The following LDLRAD4 variants were observed in gnomAD, a reference collection of about 807,000 sequenced individuals.
LDLRAD4 encodes low density lipoprotein receptor class A domain containing 4, also known as low-density lipoprotein receptor class A domain-containing protein 4.
LDLRAD4 carries 5 observed loss-of-function variants against 17.0 expected under a neutral mutation model. That is an observed-to-expected ratio of 0.29 (90% CI 0.15 to 0.62). The LOEUF (loss-of-function observed/expected upper bound fraction) is 0.62, where lower values mean the gene tolerates loss of function less well. LDLRAD4 is among the 20% of genes least tolerant of loss of function. The pLI is 0.84. For missense variants in LDLRAD4, 340 were observed against 424.7 expected, an observed-to-expected ratio of 0.80 and a Z score of 1.75; for synonymous variants, 168 against 171.8, an observed-to-expected ratio of 0.98 and a Z score of 0.17.
chr18:13,292,645 A>T (rs150869052), intron 1 of LDLRAD4, among the ~76,000 whole-genome samples: 1 of 152,154 alleles, frequency 6.6e-6, no homozygotes, highest in African/African-American at 2.4e-5. Flanking sequence ...AGGGAGCCCT[A>T]GGAGGGACTG....
At chr18:13,623,437 A>C (rs1246096908) in intron 4 of LDLRAD4, among the ~76,000 whole-genome samples, 1 of 152,170 alleles carries the variant, frequency 6.6e-6, no homozygotes, top group African/African-American at 2.4e-5. Flanking sequence ...GGGCTTGCAG[A>C]GATCCGGCTG....
intron 3 of LDLRAD4, among the ~76,000 whole-genome samples, chr18:13,555,575 C>T (rs1257460819): frequency 6.6e-6 from 1 of 152,272 alleles, no homozygotes; most frequent in African/African-American, 2.4e-5. Context: ...CTAGAAAATG[C>T]AAACTATAAG....
intron 3 of LDLRAD4, among the ~76,000 whole-genome samples, chr18:13,470,536 T>A (rs2092739831): frequency 6.8e-6 from 1 of 147,882 alleles, no homozygotes; most frequent in Non-Finnish European, 1.5e-5. Context: ...GTGAGATGTG[T>A]AGGAAGTCAC....
chr18:13,525,888 C>T (rs2094023823), intron 3 of LDLRAD4, among the ~76,000 whole-genome samples: 1 of 152,232 alleles, frequency 6.6e-6, no homozygotes, highest in Non-Finnish European at 1.5e-5. Flanking sequence ...CCTCACCACC[C>T]CCTTTATCAC....
At chr18:13,594,880 C>G (rs1236093340) in intron 3 of LDLRAD4, among the ~76,000 whole-genome samples, 1 of 151,788 alleles carries the variant, frequency 6.6e-6, no homozygotes, top group Non-Finnish European at 1.5e-5. Context: ...CTTTTATTTC[C>G]TGGGAAGTTT....
chr18:13,552,529 C>A (rs910546319), intron 3 of LDLRAD4, among the ~76,000 whole-genome samples: 1 of 152,198 alleles, frequency 6.6e-6, no homozygotes, highest in Non-Finnish European at 1.5e-5. Context: ...CAGTCACGAT[C>A]CTTCCCCCTG....
intron 1 of LDLRAD4, among the ~76,000 whole-genome samples, chr18:13,227,644 C>T (rs1468605940): frequency 2.6e-5 from 4 of 152,312 alleles, no homozygotes; most frequent in Non-Finnish European, 5.9e-5. Context: ...CACAGTTCCA[C>T]GTGGCTGAGG....
intron 3 of LDLRAD4, among the ~76,000 whole-genome samples, chr18:13,477,491 A>C (rs1018535413): frequency 6.6e-6 from 1 of 152,242 alleles, no homozygotes. Context: ...CAGTACTGGC[A>C]GAAGCCCAAG....
intron 3 of LDLRAD4, among the ~76,000 whole-genome samples, chr18:13,566,984 G>A (rs559090522): frequency 6.6e-6 from 1 of 152,306 alleles, no homozygotes; most frequent in Admixed American, 6.5e-5. Context: ...AGCCCAGCCT[G>A]GTGCAGCCTG....
chr18:13,511,057 C>T (rs2093770092), intron 3 of LDLRAD4, among the ~76,000 whole-genome samples: 1 of 152,142 alleles, frequency 6.6e-6, no homozygotes, highest in African/African-American at 2.4e-5. Flanking sequence ...CAACATTCTT[C>T]AAGCCTGGAT....
chr18:13,396,124 C>T (rs1172991001), intron 2 of LDLRAD4, among the ~76,000 whole-genome samples: 1 of 152,148 alleles, frequency 6.6e-6, no homozygotes, highest in Non-Finnish European at 1.5e-5. Context: ...AATTTTTTAA[C>T]CAATAATAGT....
chr18:13,500,068 T>C (rs961296602), intron 3 of LDLRAD4, among the ~76,000 whole-genome samples: 1 of 152,186 alleles, frequency 6.6e-6, no homozygotes, highest in Non-Finnish European at 1.5e-5. Context: ...AGACTTGACA[T>C]TGGGAAATGT....
chr18:13,645,727 G>C lies in LDLRAD4; in HGVS notation c.*70G>C. 8.0e-7 allele frequency: 1 copy of C among 1,247,396 alleles called. No homozygotes were observed. The highest frequency in any genetic ancestry group is 1.1e-6 in the Non-Finnish European group (1 of 902,344). The allele number at this position is 1,247,396 out of a possible 1,614,324, so 77.3% of individuals were successfully genotyped here. Reference sequence around the variant, plus strand: ...GAAGCGGCCGCTGGGCCCCTCCTGCGCACAGTGTTGTTCAGTTTCACATGG... The same window carrying C: ...GAAGCGGCCGCTGGGCCCCTCCTGCCCACAGTGTTGTTCAGTTTCACATGG... On this transcript the variant is annotated 3_prime_UTR_variant, in exon 6 of 6. Coordinates refer to ENST00000359446, the Ensembl canonical transcript of LDLRAD4. The surrounding 1 kb of genome is among the most constrained non-coding windows in gnomAD (Gnocchi z 5.7).
rs76818706 is a variant in LDLRAD4, at chr18:13,580,508, C to T, written c.182-40609C>T. ...CCTGATGCTTGATGAGTGTCGGCTG[C>T]TGCTGGGAGGATGTTCTTGGGATCA... On this transcript the variant is annotated intron_variant, in intron 3 of 5. Transcript: ENST00000359446. Among the ~76,000 whole-genome samples, 62 of 152,350 alleles carry T rather than the reference C, an allele frequency of 4.1e-4. 2 individuals carry two copies. The South Asian group carries it at 7.3e-3, about 18-fold the overall frequency.
intron 4 of LDLRAD4, among the ~76,000 whole-genome samples, chr18:13,637,927 G>A (rs1219562414): frequency 6.6e-6 from 1 of 151,140 alleles, no homozygotes; most frequent in East Asian, 1.9e-4. Flanking sequence ...CCCTTTAACT[G>A]TGCATAACAA....
At chr18:13,634,223 G>T (rs1169042604) in intron 4 of LDLRAD4, among the ~76,000 whole-genome samples, 2 of 152,102 alleles carry the variant, frequency 1.3e-5, no homozygotes, top group Non-Finnish European at 2.9e-5. Context: ...GAGCAATTAG[G>T]CAAGAAAAAG....
intron 3 of LDLRAD4, chr18:13,487,019 T>C (rs1396965057): frequency 6.6e-6 from 1 of 152,262 alleles, no homozygotes; most frequent in African/African-American, 2.4e-5. Context: ...GGCTTTACTT[T>C]GCATTTCCTT....
chr18:13,447,831 A>G (rs2091519364), intron 3 of LDLRAD4, among the ~76,000 whole-genome samples: 1 of 152,188 alleles, frequency 6.6e-6, no homozygotes, highest in Non-Finnish European at 1.5e-5. Flanking sequence ...ATGGGTCATG[A>G]ATACTGTCTA....
At chr18:13,436,372 A>C (rs750913618) in intron 2 of LDLRAD4, among the ~76,000 whole-genome samples, 1 of 152,222 alleles carries the variant, frequency 6.6e-6, no homozygotes, top group Non-Finnish European at 1.5e-5. Context: ...AAATTAGTGA[A>C]GTGTGGATGT....
Sources: gnomAD v4.1 joint callset for allele counts (sites outside exome capture counted in the v4.1 genomes callset) on GRCh38, gnomAD v4.1.1 for gene constraint, Gnocchi (gnomAD v3.1) non-coding constraint, MANE v1.5 for transcripts, NCBI Gene and HGNC (gene_info 2026-07-23, HGNC 2026-07-21) for gene names.